Variants in NRXN1 observed in about 807,000 individuals in gnomAD.
The protein encoded by NRXN1 is neurexin-1.
NRXN1 carries 39 observed loss-of-function variants against 150.9 expected under a neutral mutation model. The ratio of observed to expected loss-of-function variants is 0.26; its 90% CI spans 0.20 to 0.34. The LOEUF (loss-of-function observed/expected upper bound fraction) is 0.34, where lower values mean the gene tolerates loss of function less well. NRXN1 is among the 10% of genes least tolerant of loss of function. The pLI, the probability that NRXN1 is intolerant of heterozygous loss-of-function variation, is 1.00. For missense variants in NRXN1, 1,815 were observed against 1,949.9 expected (o/e 0.93, Z 1.30); for synonymous variants, 924 against 757.0 (o/e 1.22, Z -3.62).
At chr2:50,827,559 G>A (rs1389438071) in intron 5 of NRXN1, among the ~76,000 whole-genome samples, 2 of 152,068 alleles carry the variant, frequency 1.3e-5, no homozygotes, top group African/African-American at 2.4e-5. Context: ...TGTCACAATA[G>A]CAATAAATTA....
chr2:50,175,918 G>A (rs1042242613), intron 18 of NRXN1, among the ~76,000 whole-genome samples: 2 of 152,036 alleles, frequency 1.3e-5, no homozygotes, highest in African/African-American at 4.8e-5. Flanking sequence ...GCCATCACCA[G>A]AAGAAAAAGC....
At chr2:49,988,219 G>A (rs1681264356) in intron 21 of NRXN1, among the ~76,000 whole-genome samples, 1 of 151,630 alleles carries the variant, frequency 6.6e-6, no homozygotes, top group Admixed American at 6.6e-5. Context: ...CTTTGAAAAT[G>A]GTTCCATTAT....
intron 17 of NRXN1, among the ~76,000 whole-genome samples, chr2:50,336,087 ATAGT>A (rs1211169369): frequency 6.6e-6 from 1 of 152,232 alleles, no homozygotes; most frequent in African/African-American, 2.4e-5. Flanking sequence ...CCAAGGTCAG[ATAGT>A]TAGTAGACGC....
At chr2:50,234,501 G>GACA (rs1270764910) in intron 18 of NRXN1, among the ~76,000 whole-genome samples, 3 of 151,710 alleles carry the variant, frequency 2.0e-5, no homozygotes, top group Non-Finnish European at 2.9e-5. Flanking sequence ...TCTCAACAAC[G>GACA]ACAACAACAA....
intron 2 of NRXN1, among the ~76,000 whole-genome samples, chr2:50,944,414 A>G (rs938147766): frequency 9.2e-5 from 14 of 152,188 alleles, no homozygotes; most frequent in African/African-American, 3.1e-4. Flanking sequence ...TGGAGATAAT[A>G]GAATCTACTT....
chr2:50,227,039 C>A (rs938700034), intron 18 of NRXN1, among the ~76,000 whole-genome samples: 4 of 151,848 alleles, frequency 2.6e-5, no homozygotes, highest in African/African-American at 4.8e-5. Context: ...ACTTGCTGCT[C>A]GGCATCATGC....
intron 2 of NRXN1, among the ~76,000 whole-genome samples, chr2:51,006,845 G>A (rs1700789900): frequency 6.6e-6 from 1 of 151,770 alleles, no homozygotes; most frequent in African/African-American, 2.4e-5. Flanking sequence ...TCATATTCAA[G>A]TTTCGCCTTA....
At chr2:50,211,328 A>T (rs1915224) in intron 18 of NRXN1, among the ~76,000 whole-genome samples, 58,100 of 151,366 alleles carry the variant, frequency 0.38, 11,557 homozygotes, top group Middle Eastern at 0.43. Flanking sequence ...TATCATGCTT[A>T]GAGTATCTGT....
intron 21 of NRXN1, among the ~76,000 whole-genome samples, chr2:49,955,985 G>A (rs1674867540): frequency 6.6e-6 from 1 of 152,086 alleles, no homozygotes. Flanking sequence ...GAATACTGTG[G>A]TGGCGCATGC....
At chr2:50,815,378 G>A (rs970206689) in intron 5 of NRXN1, among the ~76,000 whole-genome samples, 1 of 152,054 alleles carries the variant, frequency 6.6e-6, no homozygotes, top group Non-Finnish European at 1.5e-5. Flanking sequence ...ATCAGGATGA[G>A]GAGAGTAAGA....
chr2:50,124,796 G>A (rs1472290542), intron 18 of NRXN1, among the ~76,000 whole-genome samples: 5 of 152,086 alleles, frequency 3.3e-5, no homozygotes, highest in African/African-American at 7.2e-5. Context: ...TAACTTAAAT[G>A]TTTAAAATAT....
At chr2:50,027,596 C>A (rs1277769729) in intron 21 of NRXN1, among the ~76,000 whole-genome samples, 2 of 152,062 alleles carry the variant, frequency 1.3e-5, no homozygotes, top group Non-Finnish European at 2.9e-5. Flanking sequence ...TGCATGCCAC[C>A]ATGTCCTCCT....
At chr2:50,459,375 T>C (rs929146952) in intron 17 of NRXN1, among the ~76,000 whole-genome samples, 6 of 152,146 alleles carry the variant, frequency 3.9e-5, no homozygotes, top group African/African-American at 1.4e-4. Context: ...TAAACTTGTG[T>C]CACATGGGTT....
intron 18 of NRXN1, among the ~76,000 whole-genome samples, chr2:50,118,722 C>T (rs941681704): frequency 6.6e-6 from 1 of 152,056 alleles, no homozygotes; most frequent in African/African-American, 2.4e-5. Flanking sequence ...AAATCTGGGG[C>T]GTTCCTATGG....
chr2:50,494,056 C>A (rs17476536), intron 15 of NRXN1, among the ~76,000 whole-genome samples: 41,443 of 152,038 alleles, frequency 0.27, 6,334 homozygotes, highest in South Asian at 0.36. Flanking sequence ...TCCTAGTCTA[C>A]AATCTCCTAT....
intron 22 of NRXN1, among the ~76,000 whole-genome samples, chr2:49,932,462 CTTTCCT>C (rs1042035616): frequency 4.1e-4 from 63 of 152,128 alleles, no homozygotes; most frequent in African/African-American, 1.4e-3. Context: ...TTCCTTTTCG[CTTTCCT>C]TTTCCTTTTC....
chr2:50,160,180 G>T (rs1213929047), intron 18 of NRXN1, among the ~76,000 whole-genome samples: 5 of 102,470 alleles, frequency 4.9e-5, no homozygotes, highest in African/African-American at 1.6e-4. Flanking sequence ...TGTAATCAAG[G>T]ATATATGATT....
At chr2:50,259,412 GGTTT>G (rs1238479851) in intron 17 of NRXN1, among the ~76,000 whole-genome samples, 2 of 151,734 alleles carry the variant, frequency 1.3e-5, no homozygotes, top group African/African-American at 4.8e-5. Flanking sequence ...TAATATAAGG[GGTTT>G]GTTATGTTAG....
chr2:50,499,633 A>C (rs17040756), intron 13 of NRXN1, among the ~76,000 whole-genome samples: 5,383 of 152,238 alleles, frequency 0.035, 323 homozygotes, highest in African/African-American at 0.12. Context: ...TAAGAAGCTA[A>C]GTACAATGAA....
Sources: allele counts gnomAD v4.1 joint callset (sites outside exome capture counted in the v4.1 genomes callset), GRCh38; gene constraint gnomAD v4.1.1; transcripts MANE v1.5; gene names NCBI Gene and HGNC (gene_info 2026-07-23, HGNC 2026-07-21).